The following DNAJB14 variants were observed in gnomAD, a reference collection of about 807,000 sequenced individuals.
DNAJB14 encodes the protein DnaJ heat shock protein family (Hsp40) member B14, also known as dnaJ homolog subfamily B member 14.
In DNAJB14, 22 loss-of-function variants were observed where a neutral mutation model predicts 48.4. That is an observed-to-expected ratio of 0.45 (90% CI 0.32 to 0.65). The LOEUF (loss-of-function observed/expected upper bound fraction) is 0.65, where lower values mean the gene tolerates loss of function less well. Among genes scored for constraint, DNAJB14 ranks in the 30% least tolerant of loss-of-function variants. The probability of loss-of-function intolerance (pLI) is 0.03; values close to 1 mark genes in which losing one functional copy is unlikely to be tolerated. For missense variants in DNAJB14, 319 were observed against 458.8 expected (o/e 0.70, Z 2.78); for synonymous variants, 142 against 158.7 (o/e 0.89, Z 0.79).
chr4:99,928,543 A>G (rs1161870302), intron 2 of DNAJB14: 1 of 440,772 alleles, frequency 2.3e-6, no homozygotes, highest in Non-Finnish European at 4.6e-6. Flanking sequence ...AATCAATACC[A>G]GAACAAAGAG....
At chr4:99,946,352 C>A in intron 1 of DNAJB14, 87 bp downstream of exon 1, 1 of 1,536,260 alleles carries the variant, frequency 6.5e-7, no homozygotes, top group Non-Finnish European at 8.7e-7. Context: ...CCCCGCAGGC[C>A]TCCAGGAGGG....
At chr4:99,918,212 C>G (rs985601222) in intron 3 of DNAJB14, among the ~76,000 whole-genome samples, 1 of 152,106 alleles carries the variant, frequency 6.6e-6, no homozygotes. Context: ...TTTCTATTTT[C>G]TAGCTCACCA....
chr4:99,931,626 T>C (rs1313473742), intron 1 of DNAJB14, among the ~76,000 whole-genome samples: 1 of 152,028 alleles, frequency 6.6e-6, no homozygotes, highest in Non-Finnish European at 1.5e-5. Flanking sequence ...ATAAGCTTTA[T>C]CTAAGAGATA....
rs762039732 is a variant in DNAJB14, at chr4:99,901,126, C to T, written c.1042G>A (p.Val348Ile). 6.2e-7 allele frequency: 1 copy of T among 1,609,182 alleles called. No homozygotes were observed. The highest frequency in any genetic ancestry group is 8.5e-7 in the Non-Finnish European group (1 of 1,178,678). Residue 348 changes from valine (V) to isoleucine (I), a missense_variant, in exon 8 of 8, where the codon GTA becomes ATA. Physicochemically the swap from Val to Ile is conservative, Grantham distance 29. This residue lies in a region of DNAJB14 where 166 missense variants were observed against 236.3 expected (regional missense o/e 0.70). Coordinates refer to ENST00000442697, the MANE Select transcript of DNAJB14 (RefSeq NM_001031723.4). ...QKTDMQYAAKVYRDDRLRRKA... is the reference protein window; with the variant it reads ...QKTDMQYAAKIYRDDRLRRKA... ...CTTCGGAGTCGATCATCACGGTATA[C>T]TTTTGCTGCATACTGCATATCTGTT...
At position 99,901,002 on chromosome 4, in the gene DNAJB14, TA is replaced by T; in HGVS notation, c.*25del. 6.3e-7 allele frequency: 1 copy of T among 1,598,150 alleles called. No homozygotes were observed. Among genetic ancestry groups the T allele is most frequent in the Admixed American group, 1.8e-5 (1 of 56,064 alleles). On this transcript the variant is annotated 3_prime_UTR_variant, in exon 8 of 8. Transcript: ENST00000442697. ...CTTACAGAAAAAATAAAGAGTACGC[TA>T]AAAGGTATAAATAAAAATTCCAGTT...
At chr4:99,919,586 A>AAAACAAACAAAC (rs112393273) in intron 3 of DNAJB14, among the ~76,000 whole-genome samples, 238 of 150,794 alleles carry the variant, frequency 1.6e-3, no homozygotes, top group African/African-American at 2.1e-3. Flanking sequence ...TCCATCTTAA[A>AAAACAAACAAAC]AAACAAACAA....
intron 3 of DNAJB14, among the ~76,000 whole-genome samples, chr4:99,909,862 T>G (rs1160731035): frequency 6.6e-6 from 1 of 152,062 alleles, no homozygotes; most frequent in Non-Finnish European, 1.5e-5. Context: ...TTTACAAATT[T>G]ACCAATTTAC....
intron 3 of DNAJB14, among the ~76,000 whole-genome samples, chr4:99,921,313 T>C (rs1726050904): frequency 6.6e-6 from 1 of 152,214 alleles, no homozygotes; most frequent in South Asian, 2.1e-4. Flanking sequence ...TTTCTAGTTT[T>C]GCAAAGCAGA....
intron 1 of DNAJB14, among the ~76,000 whole-genome samples, chr4:99,938,097 C>CAAAAAAAAAAAAAAAAAAAAAAAAAAAA (rs59597113): frequency 7.3e-5 from 3 of 40,978 alleles, no homozygotes; most frequent in Non-Finnish European, 9.6e-5. Flanking sequence ...GTTAAAAATA[C>CAAAAAAAAAAAAAAAAAAAAAAAAAAAA]AAAAAAAAAA....
intron 1 of DNAJB14, among the ~76,000 whole-genome samples, chr4:99,937,116 A>C (rs1371750393): frequency 1.3e-5 from 2 of 152,086 alleles, no homozygotes; most frequent in African/African-American, 4.8e-5. Flanking sequence ...GGAGATCGAG[A>C]CTATCCTGGC....
At chr4:99,911,021 A>G (rs1353646304) in intron 3 of DNAJB14, among the ~76,000 whole-genome samples, 2 of 150,784 alleles carry the variant, frequency 1.3e-5, no homozygotes, top group African/African-American at 4.9e-5. Flanking sequence ...ACCACATCCA[A>G]CTCCTCCTCC....
At chr4:99,904,039 T>C in intron 6 of DNAJB14, 141 bp from the exon 7 acceptor site, 1 of 884,600 alleles carries the variant, frequency 1.1e-6, no homozygotes, top group Non-Finnish European at 1.7e-6. Context: ...TCCGAAACTC[T>C]GAAATCCGAA....
At chr4:99,905,946 C>G in intron 5 of DNAJB14, 109 of 1,296,486 alleles carry the variant, frequency 8.4e-5, no homozygotes, top group Non-Finnish European at 9.8e-5. Flanking sequence ...ATGAGGAAGT[C>G]TTCATTTCTT....
intron 3 of DNAJB14, among the ~76,000 whole-genome samples, chr4:99,913,772 G>C (rs1315511572): frequency 6.6e-6 from 1 of 151,972 alleles, no homozygotes; most frequent in Non-Finnish European, 1.5e-5. Context: ...AAAAAGTTTG[G>C]TAGACTTCTT....
intron 1 of DNAJB14, among the ~76,000 whole-genome samples, chr4:99,945,848 T>C (rs146396556): frequency 5.3e-5 from 8 of 152,356 alleles, no homozygotes; most frequent in African/African-American, 1.9e-4. Flanking sequence ...TCAAATCAGA[T>C]ACTCTTCAGC....
intron 6 of DNAJB14, 98 bp from the exon 7 acceptor site, chr4:99,903,996 TTA>T: frequency 7.9e-7 from 1 of 1,266,790 alleles, no homozygotes. Flanking sequence ...CATTGAAAAG[TTA>T]ATATTGGTAA....
At chr4:99,937,273 C>T (rs143519830) in intron 1 of DNAJB14, among the ~76,000 whole-genome samples, 76 of 151,774 alleles carry the variant, frequency 5.0e-4, no homozygotes, top group African/African-American at 1.8e-3. Flanking sequence ...GCCGAGATCG[C>T]GCCATACACT....
intron 3 of DNAJB14, among the ~76,000 whole-genome samples, chr4:99,912,042 T>C (rs528890501): frequency 1.8e-4 from 28 of 152,194 alleles, no homozygotes; most frequent in Non-Finnish European, 3.4e-4. Flanking sequence ...TTCGAGTTCA[T>C]TTTGTGTATA....
At chr4:99,929,516 A>T (rs903358192) in intron 2 of DNAJB14, 1 of 152,234 alleles carries the variant, frequency 6.6e-6, no homozygotes, top group African/African-American at 2.4e-5. Flanking sequence ...TAAAATTAAG[A>T]TATGGTAACA....
Sources: gnomAD v4.1 joint callset for allele counts (sites outside exome capture counted in the v4.1 genomes callset) on GRCh38, gnomAD v4.1.1 for gene constraint, gnomAD v4.1.1 regional missense constraint, MANE v1.5 for transcripts, NCBI Gene and HGNC (gene_info 2026-07-23, HGNC 2026-07-21) for gene names.